The following PCLO variants were observed in gnomAD, a reference collection of about 807,000 sequenced individuals.
PCLO encodes protein piccolo.
Under a neutral mutation model 427.5 loss-of-function variants are expected in PCLO, and 82 were observed. That is an observed-to-expected ratio of 0.19 (90% CI 0.16 to 0.23). The LOEUF (loss-of-function observed/expected upper bound fraction) is 0.23. Among genes scored for constraint, PCLO ranks in the 10% least tolerant of loss-of-function variants. The probability of loss-of-function intolerance (pLI) is 1.00; values close to 1 mark genes in which losing one functional copy is unlikely to be tolerated. For missense variants in PCLO, 6,239 were observed against 6,115.9 expected (o/e 1.02, Z -0.67); for synonymous variants, 2,357 against 2,155.4 (o/e 1.09, Z -2.59).
At chr7:82,790,546 G>A (rs1039103705) in intron 22 of PCLO, among the ~76,000 whole-genome samples, 2 of 152,160 alleles carry the variant, frequency 1.3e-5, no homozygotes, top group South Asian at 4.2e-4. Flanking sequence ...TTCCTGCCAG[G>A]AAGGCTTTTC....
chr7:82,903,174 G>T (rs1794099735), intron 8 of PCLO, among the ~76,000 whole-genome samples: 1 of 151,858 alleles, frequency 6.6e-6, no homozygotes, highest in Non-Finnish European at 1.5e-5. Flanking sequence ...AAAAAATAGA[G>T]AAGATCCCCC....
chr7:82,794,124 C>T (rs375932091), intron 22 of PCLO, among the ~76,000 whole-genome samples: 13 of 152,122 alleles, frequency 8.5e-5, no homozygotes, highest in East Asian at 7.7e-4. Flanking sequence ...TTGTAGTTAA[C>T]GTACATTAAT....
intron 2 of PCLO, among the ~76,000 whole-genome samples, chr7:83,144,421 C>CA (rs907477698): frequency 4.6e-5 from 7 of 151,486 alleles, no homozygotes; most frequent in East Asian, 3.9e-4. Flanking sequence ...AACTCCGTCT[C>CA]AAAAAAAAGA....
At chr7:83,030,119 G>GAAAAAAAAAAAAAA (rs199609017) in intron 3 of PCLO, among the ~76,000 whole-genome samples, 44 of 104,480 alleles carry the variant, frequency 4.2e-4, no homozygotes, top group Non-Finnish European at 5.6e-4. Flanking sequence ...AATAATAAAA[G>GAAAAAAAAAAAAAA]AAAAAAAAAA....
intron 6 of PCLO, among the ~76,000 whole-genome samples, chr7:82,924,947 A>G (rs75396395): frequency 0.019 from 2,937 of 152,258 alleles, 104 homozygotes; most frequent in African/African-American, 0.067. Flanking sequence ...AATAAGACAC[A>G]GTCTCCTCCC....
chr7:83,012,621 G>GAAAAAAAAA (rs537818971), intron 3 of PCLO, among the ~76,000 whole-genome samples: 1 of 66,740 alleles, frequency 1.5e-5, no homozygotes, highest in African/African-American at 5.8e-5. Flanking sequence ...CTGTCTCAAG[G>GAAAAAAAAA]AAAAAAAAAA....
intron 3 of PCLO, among the ~76,000 whole-genome samples, chr7:83,014,784 C>T (rs564915272): frequency 2.4e-4 from 37 of 152,150 alleles, no homozygotes; most frequent in African/African-American, 8.9e-4. Context: ...TAACTAACAC[C>T]TTTGTCCTAA....
At position 82,915,624 on chromosome 7, in the gene PCLO, A is replaced by G. The variant is rs1360332030; in HGVS notation, c.12362T>C (p.Leu4121Ser). The change falls in exon 7 of 25, where the codon TTA (leucine) becomes TCA (serine). Residue 4121 changes from leucine to serine, a missense_variant. Physicochemically the swap from Leu to Ser is moderately radical, Grantham distance 145. Around this residue, in one of 5 missense-constraint regions of PCLO, gnomAD observed 680 missense variants for 677.3 expected, o/e 1.00. Transcript: ENST00000333891. ...TTTAATCTGATGTTTCAGAAGCTTT[A>G]ACTCGTAAGGATCCTCCATTGGGTC... Reference protein sequence around the residue: ...EEDPMEDPYELKLLKHQIKQE... With the variant: ...EEDPMEDPYESKLLKHQIKQE... 6.2e-6 allele frequency: 10 copies of G among 1,613,508 alleles called. No homozygotes were observed. Among genetic ancestry groups the G allele is most frequent in the Non-Finnish European group, 7.6e-6 (9 of 1,179,684 alleles).
At chr7:83,131,350 A>T (rs1791567434) in intron 3 of PCLO, among the ~76,000 whole-genome samples, 1 of 151,998 alleles carries the variant, frequency 6.6e-6, no homozygotes, top group Admixed American at 6.6e-5. Flanking sequence ...GTACAGTGGG[A>T]GGTGTTATGT....
chr7:82,996,145 A>AT (rs1313606413), intron 3 of PCLO, among the ~76,000 whole-genome samples: 1 of 151,912 alleles, frequency 6.6e-6, no homozygotes, highest in African/African-American at 2.4e-5. Flanking sequence ...AAACAGGAAT[A>AT]TAAATATGAT....
rs137960253 is a variant in PCLO, at chr7:83,148,845, T to C, written c.1893+5903A>G. 3.0e-4 allele frequency among the ~76,000 whole-genome samples: 45 copies of C among 152,322 alleles called. No individual in the cohort carries two copies. The East Asian group carries it at 7.9e-3, about 27-fold the overall frequency. On this transcript the variant is annotated intron_variant, in intron 2 of 24. Coordinates refer to ENST00000333891, the MANE Select transcript of PCLO (RefSeq NM_033026.6). The stretch of plus-strand genomic sequence containing the variant: ...CATAGGTAATCAACAGTTTTTTGTC[T>C]GTTTGTAGACAGTTCTGCTTCCCCA...
chr7:82,970,364 C>A (rs1232370924), intron 3 of PCLO, among the ~76,000 whole-genome samples: 10 of 151,756 alleles, frequency 6.6e-5, no homozygotes, highest in African/African-American at 2.4e-4. Flanking sequence ...TAAGATCAGG[C>A]CGGCAGAATG....
At chr7:82,935,194 TAAAAA>T (rs528188502) in intron 6 of PCLO, among the ~76,000 whole-genome samples, 6 of 84,208 alleles carry the variant, frequency 7.1e-5, no homozygotes, top group African/African-American at 2.2e-4. Flanking sequence ...CCTGGTATAC[TAAAAA>T]AAAAAAAAAA....
intron 22 of PCLO, among the ~76,000 whole-genome samples, chr7:82,777,819 T>C (rs1274669390): frequency 2.6e-5 from 4 of 152,146 alleles, no homozygotes; most frequent in African/African-American, 9.7e-5. Flanking sequence ...AAGATTTACC[T>C]AGGTAGGTAA....
rs774094176 is a variant in PCLO, at chr7:82,758,674, G to T, written c.15330C>A (p.Thr5110=). The change falls in exon 25 of 25, where the codon ACC becomes ACA. Residue 5110 remains threonine, a synonymous_variant. Transcript: ENST00000333891. ...FSNGGKFMKK[T]LIGEACIWLD... The stretch of plus-strand genomic sequence containing the variant: ...GCCAGATACAGGCTTCACCAATCAA[G>T]GTCTTTTTCATAAACTTCCCTCCAT... The T allele has an allele frequency of 5.6e-6, 9 of 1,607,322 alleles. No individual in the cohort carries two copies. The highest frequency in any genetic ancestry group is 7.7e-6 in the Non-Finnish European group (9 of 1,175,214).
intron 22 of PCLO, among the ~76,000 whole-genome samples, chr7:82,770,762 T>C (rs1020626226): frequency 7.9e-5 from 12 of 151,906 alleles, no homozygotes; most frequent in African/African-American, 2.4e-4. Context: ...GAATTACCTA[T>C]AATTAGTGCT....
chr7:83,114,414 G>C (rs1373224730), intron 3 of PCLO, among the ~76,000 whole-genome samples: 1 of 152,086 alleles, frequency 6.6e-6, no homozygotes, highest in Non-Finnish European at 1.5e-5. Flanking sequence ...TTTGGTGAAC[G>C]TGCAGAGGAT....
chr7:82,973,025 T>C (rs910595016), intron 3 of PCLO, among the ~76,000 whole-genome samples: 1 of 152,040 alleles, frequency 6.6e-6, no homozygotes, highest in Non-Finnish European at 1.5e-5. Flanking sequence ...ATAATTTTTT[T>C]TTTAGTTATA....
chr7:83,031,748 CT>C (rs1788673216), intron 3 of PCLO, among the ~76,000 whole-genome samples: 1 of 150,598 alleles, frequency 6.6e-6, no homozygotes, highest in Non-Finnish European at 1.5e-5. Context: ...CCCCCTCCCT[CT>C]CTCTCTCTCA....
Sources: allele counts gnomAD v4.1 joint callset (sites outside exome capture counted in the v4.1 genomes callset), GRCh38; gene constraint gnomAD v4.1.1; regional missense constraint gnomAD v4.1.1; transcripts MANE v1.5; gene names NCBI Gene and HGNC (gene_info 2026-07-23, HGNC 2026-07-21).